The following TET3 variants were observed in gnomAD, a reference collection of about 807,000 sequenced individuals.
The protein encoded by TET3 is methylcytosine dioxygenase TET3.
Under a neutral mutation model 141.4 loss-of-function variants are expected in TET3, and 19 were observed. The observed-to-expected ratio is 0.13, with a 90% CI of 0.09 to 0.20. The LOEUF (loss-of-function observed/expected upper bound fraction) is 0.20. Among genes scored for constraint, TET3 ranks in the 10% least tolerant of loss-of-function variants. TET3 has a pLI of 1.00. For synonymous variants in TET3, 1,043 were observed against 980.9 expected, an observed-to-expected ratio of 1.06 and a Z score of -1.18; for missense variants, 1,874 against 2,356.9, an observed-to-expected ratio of 0.80 and a Z score of 4.24.
At chr2:73,985,188 G>C (rs1217671910) in intron 1 of TET3, 31 bp downstream of exon 1, 1 of 145,388 alleles carries the variant, frequency 6.9e-6, no homozygotes, top group African/African-American at 2.5e-5. Context: ...TCCGGCTCCG[G>C]AGTGGGGGAG....
At chr2:74,122,512 T>TATATATA in the TET3 span, 28 of 43,118 alleles carry the variant, frequency 6.5e-4, no homozygotes, top group East Asian at 3.8e-3. Flanking sequence ...TATATATATA[T>TATATATA]TTTTTTTTTT....
chr2:74,134,853 G>C, the TET3 span: 1 of 437,010 alleles, frequency 2.3e-6, no homozygotes, highest in Non-Finnish European at 4.7e-6. Context: ...CAGAACACCA[G>C]ATGTTGTAGC....
chr2:73,985,682 G>A (rs1344876941), intron 1 of TET3, among the ~76,000 whole-genome samples: 1 of 152,100 alleles, frequency 6.6e-6, no homozygotes, highest in African/African-American at 2.4e-5. Flanking sequence ...GGCGTGTGGG[G>A]GAATTTTGGT....
In TET3 at chr2:74,093,091, T is replaced by G; in HGVS notation, c.3129+100T>G. On this transcript the variant is annotated intron_variant, in intron 9 of 11. Coordinates refer to ENST00000409262, the MANE Select transcript of TET3 (RefSeq NM_001287491.2). The surrounding 1 kb of genome is among the most constrained non-coding windows in gnomAD (Gnocchi z 4.2). Reference sequence around the variant, plus strand: ...GGGAGAGTGGGCTCTTTTACTCTCTTATGGGAAGAGCCTAGTCCAGAAGTA... The same window carrying G: ...GGGAGAGTGGGCTCTTTTACTCTCTGATGGGAAGAGCCTAGTCCAGAAGTA... The G allele has an allele frequency of 9.1e-7, 1 of 1,101,456 alleles. No homozygotes were observed. The highest frequency in any genetic ancestry group is 1.3e-6 in the Non-Finnish European group (1 of 750,702). The allele number at this position is 1,101,456 out of a possible 1,614,324, so 68.2% of individuals were successfully genotyped here. A position where few individuals can be genotyped will look rare whatever the true frequency, so the allele number is the denominator to read the frequency against.
At position 74,037,412 on chromosome 2, in the gene TET3, C is replaced by G. The variant is rs186139156; in HGVS notation, c.361-8866C>G. Among the ~76,000 whole-genome samples, 5 of 152,320 alleles carry G rather than the reference C, an allele frequency of 3.3e-5. No individual in the cohort carries two copies. In the East Asian group the frequency reaches 9.6e-4, roughly 29 times the overall value. ...TTTGTAAGGAGGTGGATTCTGAACT[C>G]TAGGACTGAGATAAAGGATGAGGCT... On this transcript the variant is annotated intron_variant, in intron 3 of 11. Coordinates refer to ENST00000409262, the MANE Select transcript of TET3 (RefSeq NM_001287491.2).
At chr2:74,005,768 A>G (rs1685122000) in intron 3 of TET3, among the ~76,000 whole-genome samples, 1 of 152,258 alleles carries the variant, frequency 6.6e-6, no homozygotes, top group Non-Finnish European at 1.5e-5. Context: ...GTATGAGTCC[A>G]CATAGTGCCT....
At chr2:74,059,375 C>G (rs188133525) in intron 4 of TET3, among the ~76,000 whole-genome samples, 1 of 152,362 alleles carries the variant, frequency 6.6e-6, no homozygotes, top group Non-Finnish European at 1.5e-5. Flanking sequence ...GGCTCAGACT[C>G]CAGAGTAGCT....
intron 3 of TET3, among the ~76,000 whole-genome samples, chr2:74,023,006 C>A (rs1686137803): frequency 6.6e-6 from 1 of 151,996 alleles, no homozygotes; most frequent in Non-Finnish European, 1.5e-5. Flanking sequence ...GAACTCCTGA[C>A]CTCAAGTGAT....
the TET3 span, chr2:74,135,047 C>G: frequency 1.1e-4 from 26 of 236,282 alleles, no homozygotes; most frequent in African/African-American, 4.8e-4. Flanking sequence ...TGCCTCCTAC[C>G]AAGAATCAAA....
At chr2:74,121,709 T>C in the TET3 span, 1 of 152,238 alleles carries the variant, frequency 6.6e-6, no homozygotes, top group African/African-American at 2.4e-5. Context: ...AAGTCTATAA[T>C]GTAGGCTGGG....
At chr2:74,109,116 C>G (rs1381074099), downstream of TET3, among the ~76,000 whole-genome samples, 1 of 152,196 alleles carries the variant, frequency 6.6e-6, no homozygotes, top group East Asian at 1.9e-4. Flanking sequence ...AGACCTAGTT[C>G]TGTCCCCTTC....
At position 74,102,003 on chromosome 2, in the gene TET3, C is replaced by A; in HGVS notation, c.5215C>A (p.Leu1739Ile). Residue 1739 changes from leucine (L) to isoleucine (I), a missense_variant, in exon 12 of 12, where the codon CTC becomes ATC. Coordinates refer to ENST00000409262, the MANE Select transcript of TET3 (RefSeq NM_001287491.2). ...GGGCCTGGGCCAGCAGGAGGCCAAG[C>A]TCTACGGGAAGAAGCGCAAGTGGGG... ...RLGLGQQEAK[L>I]YGKKRKWGGT... The A allele has an allele frequency of 1.9e-6, 3 of 1,596,878 alleles. No individual in the cohort carries two copies. The highest frequency in any genetic ancestry group is 2.6e-6 in the Non-Finnish European group (3 of 1,169,634).
intron 4 of TET3, among the ~76,000 whole-genome samples, chr2:74,051,901 A>AT (rs1332266620): frequency 5.3e-5 from 8 of 152,248 alleles, no homozygotes; most frequent in Non-Finnish European, 1.0e-4. Flanking sequence ...TGGTAGTAGA[A>AT]TGAAGAGAAC....
chr2:74,047,458 C>T lies in TET3; in HGVS notation c.1541C>T (p.Pro514Leu). Reference sequence around the variant, plus strand: ...GTACTTCAGAGGGAGGCTCCCACGCCATCCTCGGAGCCCGACACCCACCAG... The same window carrying T: ...GTACTTCAGAGGGAGGCTCCCACGCTATCCTCGGAGCCCGACACCCACCAG... ...SPVLQREAPT[P>L]SSEPDTHQKA... The change falls in exon 4 of 12, where the codon CCA becomes CTA. Residue 514 changes from proline (P) to leucine (L), a missense_variant. By Grantham distance (98) the Pro-to-Leu change is moderately conservative. Around this residue, in one of 10 missense-constraint regions of TET3, gnomAD observed 484 missense variants for 462.2 expected, o/e 1.05. Coordinates refer to ENST00000409262, the MANE Select transcript of TET3 (RefSeq NM_001287491.2). The T allele has an allele frequency of 6.2e-7, 1 of 1,612,622 alleles. No individual in the cohort carries two copies. Among genetic ancestry groups the T allele is most frequent in the Non-Finnish European group, 8.5e-7 (1 of 1,179,796 alleles).
chr2:74,128,287 T>G, the TET3 span, among the ~76,000 whole-genome samples: 5 of 152,350 alleles, frequency 3.3e-5, no homozygotes, highest in South Asian at 2.1e-4. Flanking sequence ...GTGACTTTCT[T>G]CTTTTGTAGT....
chr2:74,050,406 G>A (rs2103724068), intron 4 of TET3, among the ~76,000 whole-genome samples: 1 of 152,030 alleles, frequency 6.6e-6, no homozygotes. Flanking sequence ...AGTCCAATAG[G>A]GCAAGAAAAG....
chr2:74,019,671 T>G (rs191382012), intron 3 of TET3, among the ~76,000 whole-genome samples: 61 of 152,302 alleles, frequency 4.0e-4, no homozygotes, highest in Non-Finnish European at 1.0e-4. Flanking sequence ...CTTCAAAGTG[T>G]GACAGCCTGG....
intron 10 of TET3, among the ~76,000 whole-genome samples, chr2:74,098,281 T>A (rs1301895016): frequency 6.6e-6 from 1 of 152,192 alleles, no homozygotes; most frequent in Non-Finnish European, 1.5e-5. Context: ...CAAGTTGAAA[T>A]ATTTGATAAT....
the TET3 span, among the ~76,000 whole-genome samples, chr2:74,131,626 C>T: frequency 6.6e-6 from 1 of 152,170 alleles, no homozygotes; most frequent in East Asian, 1.9e-4. Flanking sequence ...GGCAGTTTCC[C>T]CTACACTGAC....
Sources: gnomAD v4.1 joint callset for allele counts (sites outside exome capture counted in the v4.1 genomes callset) on GRCh38, gnomAD v4.1.1 for gene constraint, gnomAD v4.1.1 regional missense constraint, Gnocchi (gnomAD v3.1) non-coding constraint, MANE v1.5 for transcripts, NCBI Gene and HGNC (gene_info 2026-07-23, HGNC 2026-07-21) for gene names.